The following RMDN2 variants were observed in gnomAD, a reference collection of about 807,000 sequenced individuals.
The protein encoded by RMDN2 is regulator of microtubule dynamics protein 2.
A neutral mutation model predicts 52.8 loss-of-function variants in RMDN2; 61 were observed. The observed-to-expected ratio is 1.16, with a 90% confidence interval of 0.94 to 1.43. The LOEUF is 1.43. RMDN2 is among the 40% of genes most tolerant of loss of function. The probability of loss-of-function intolerance (pLI) is 0.00; values close to 1 mark genes in which losing one functional copy is unlikely to be tolerated. For synonymous variants in RMDN2, 180 were observed against 153.1 expected (o/e 1.18, Z -1.30); for missense variants, 592 against 475.3 (o/e 1.25, Z -2.28).
At chr2:37,931,229 G>A (rs1248042469) in intron 2 of RMDN2, among the ~76,000 whole-genome samples, 1 of 152,120 alleles carries the variant, frequency 6.6e-6, no homozygotes, top group Non-Finnish European at 1.5e-5. Context: ...ATTTACAAAT[G>A]TAGGAAGATC....
chr2:37,986,125 G>A (rs1465955575), intron 5 of RMDN2, among the ~76,000 whole-genome samples: 2 of 152,094 alleles, frequency 1.3e-5, no homozygotes, highest in Non-Finnish European at 2.9e-5. Flanking sequence ...AAATGATAAT[G>A]CCCATGACAA....
At chr2:38,047,002 C>T (rs1681315357) in intron 10 of RMDN2, among the ~76,000 whole-genome samples, 1 of 151,556 alleles carries the variant, frequency 6.6e-6, no homozygotes, top group South Asian at 2.1e-4. Flanking sequence ...CAAAAAAGAG[C>T]CCAGAAGATC....
rs1681503327 is a variant in RMDN2, at chr2:38,050,211, AT to A, written c.1714-16770del. The stretch of plus-strand genomic sequence containing the variant: ...AGACCTCGCACCATGGCCCCACATG[AT>A]GTGCCTCCACTCCTCTCATGCCTCC... On this transcript the variant is annotated intron_variant, in intron 10 of 10. Coordinates refer to the RMDN2 transcript ENST00000234195. 1.3e-5 allele frequency among the ~76,000 whole-genome samples: 2 copies of A among 152,036 alleles called. 1 individual carries two copies. Among genetic ancestry groups the A allele is most frequent in the South Asian group, 4.1e-4 (2 of 4,822 alleles).
intron 2 of RMDN2, chr2:37,949,955 T>A (rs998579740): frequency 1.2e-5 from 2 of 165,970 alleles, no homozygotes; most frequent in Non-Finnish European, 1.3e-5. Context: ...CCGTAATCTG[T>A]GCAAATGGCC....
At chr2:37,986,222 G>A (rs1673996683) in intron 5 of RMDN2, among the ~76,000 whole-genome samples, 1 of 152,144 alleles carries the variant, frequency 6.6e-6, no homozygotes, top group Non-Finnish European at 1.5e-5. Context: ...AGGAAACATT[G>A]AACAGAATGG....
intron 5 of RMDN2, among the ~76,000 whole-genome samples, chr2:37,986,670 AG>A (rs1450000571): frequency 6.6e-6 from 1 of 152,198 alleles, no homozygotes; most frequent in African/African-American, 2.4e-5. Context: ...ACACCAAAGC[AG>A]AAAAAAATTA....
chr2:38,066,187 T>C (rs1390022855), intron 10 of RMDN2, among the ~76,000 whole-genome samples: 1 of 152,230 alleles, frequency 6.6e-6, no homozygotes, highest in Non-Finnish European at 1.5e-5. Flanking sequence ...CATTAGAGTT[T>C]AGCATAGTGA....
At chr2:38,061,646 C>CACACACACACACACACAT (rs1553393406) in intron 10 of RMDN2, among the ~76,000 whole-genome samples, 2 of 149,828 alleles carry the variant, frequency 1.3e-5, no homozygotes, top group African/African-American at 2.5e-5. Context: ...CACACACACA[C>CACACACACACACACACAT]ACACACATAC....
rs1175173278 is a variant in RMDN2 at position 37,958,969 on chromosome 2, G to A, written c.453-15071G>A. Among the ~76,000 whole-genome samples, 3 of 151,086 alleles carry A rather than the reference G, an allele frequency of 2.0e-5. 1 individual carries two copies. The highest frequency in any genetic ancestry group is 5.0e-5 in the African/African-American group (2 of 40,402). On this transcript the variant is annotated intron_variant, in intron 2 of 10. Transcript: ENST00000354545. ...ATGGATTACGTTTATTGACTTGCAT[G>A]TGTTGAACCAGCCTCGCATCCTTAG...
intron 10 of RMDN2, among the ~76,000 whole-genome samples, chr2:38,058,939 G>A (rs1363744861): frequency 1.3e-5 from 2 of 152,152 alleles, no homozygotes; most frequent in African/African-American, 4.8e-5. Flanking sequence ...CACTTACTCG[G>A]AGGAGGGGCC....
chr2:37,932,599 T>C (rs1265928862), intron 2 of RMDN2, among the ~76,000 whole-genome samples: 1 of 150,636 alleles, frequency 6.6e-6, no homozygotes, highest in Non-Finnish European at 1.5e-5. Context: ...GACGGGGTGG[T>C]GGCCGGGCAG....
chr2:37,922,967 C>A (rs1282152545), upstream of RMDN2, among the ~76,000 whole-genome samples: 1 of 152,188 alleles, frequency 6.6e-6, no homozygotes, highest in Non-Finnish European at 1.5e-5. Context: ...TAGGTTGGGG[C>A]AAATCGTGAA....
chr2:37,995,510 C>G (rs927277311), intron 7 of RMDN2, among the ~76,000 whole-genome samples: 5 of 151,974 alleles, frequency 3.3e-5, no homozygotes, highest in Non-Finnish European at 7.4e-5. Context: ...AAAAATTGAC[C>G]AAATTATAAG....
chr2:37,954,870 C>G (rs557407578), intron 2 of RMDN2, among the ~76,000 whole-genome samples: 2 of 152,122 alleles, frequency 1.3e-5, no homozygotes, highest in South Asian at 4.1e-4. Context: ...TATTTAAATT[C>G]TTTCAACAAT....
intron 2 of RMDN2, among the ~76,000 whole-genome samples, chr2:37,961,506 A>G (rs1670235949): frequency 6.6e-6 from 1 of 151,526 alleles, no homozygotes; most frequent in Non-Finnish European, 1.5e-5. Context: ...TGTATGCTTC[A>G]TTAAGTTCTT....
chr2:37,980,683 C>T (rs1673191766), intron 4 of RMDN2, among the ~76,000 whole-genome samples: 1 of 152,108 alleles, frequency 6.6e-6, no homozygotes, highest in African/African-American at 2.4e-5. Context: ...GTCACTGGCC[C>T]TGTTCATTAT....
chr2:37,975,261 A>G lies in RMDN2; in HGVS notation c.677A>G (p.Asp226Gly). ...FMWRFARAYG[D>G]MYELSTNTQE... ...TGGCGATTTGCTCGTGCTTATGGAG[A>G]CATGTATGAACTATCTACAAACACA... The change falls in exon 4 of 11, where the codon GAC becomes GGC. Residue 226 changes from aspartate (D) to glycine (G), a missense_variant. By Grantham distance (94) the Asp-to-Gly change is moderately conservative. Transcript: ENST00000354545. 1.9e-6 allele frequency: 3 copies of G among 1,610,994 alleles called. No individual in the cohort carries two copies. Among genetic ancestry groups the G allele is most frequent in the Non-Finnish European group, 2.5e-6 (3 of 1,177,314 alleles).
chr2:38,020,834 A>T (rs1325613016), downstream of RMDN2, among the ~76,000 whole-genome samples: 1 of 150,386 alleles, frequency 6.6e-6, no homozygotes, highest in African/African-American at 2.4e-5. Context: ...CTCCCCCACG[A>T]GCGCCACCCC....
intron 10 of RMDN2, among the ~76,000 whole-genome samples, chr2:38,045,836 T>G (rs1681240027): frequency 6.6e-6 from 1 of 152,206 alleles, no homozygotes; most frequent in South Asian, 2.1e-4. Flanking sequence ...CAGACTTGAT[T>G]TGGAACAAAG....
Sources: allele counts gnomAD v4.1 joint callset (sites outside exome capture counted in the v4.1 genomes callset), GRCh38; gene constraint gnomAD v4.1.1; transcripts MANE v1.5; gene names NCBI Gene and HGNC (gene_info 2026-07-23, HGNC 2026-07-21).